ARHGAP44: variants seen among roughly 807,000 people sequenced by gnomAD.
The protein encoded by ARHGAP44 is Rho GTPase activating protein 44.
A neutral mutation model predicts 106.8 loss-of-function variants in ARHGAP44; 43 were observed. That is an observed-to-expected ratio of 0.40 (90% CI 0.32 to 0.52). ARHGAP44 has a LOEUF of 0.52. Among genes scored for constraint, ARHGAP44 ranks in the 20% least tolerant of loss-of-function variants. The probability of loss-of-function intolerance (pLI) is 0.48; values close to 1 mark genes in which losing one functional copy is unlikely to be tolerated. For synonymous variants in ARHGAP44, 439 were observed against 410.3 expected (o/e 1.07, Z -0.85); for missense variants, 866 against 1,050.5 (o/e 0.82, Z 2.43).
intron 1 of ARHGAP44, among the ~76,000 whole-genome samples, chr17:12,886,766 T>A (rs1220026389): frequency 6.6e-5 from 10 of 152,172 alleles, no homozygotes; most frequent in African/African-American, 2.2e-4. Flanking sequence ...CTCTTATATC[T>A]ACATGCTTTT....
intron 6 of ARHGAP44, among the ~76,000 whole-genome samples, chr17:12,928,334 AG>A (rs2038304464): frequency 1.3e-5 from 2 of 152,364 alleles, no homozygotes; most frequent in African/African-American, 4.8e-5. Context: ...CAGGATAGGC[AG>A]GGGACTTAAA....
At chr17:12,842,425 AAAAAAAAAG>A (rs1483458230) in intron 1 of ARHGAP44, among the ~76,000 whole-genome samples, 1 of 140,046 alleles carries the variant, frequency 7.1e-6, no homozygotes, top group African/African-American at 3.2e-5. Flanking sequence ...AAAAAAAAAA[AAAAAAAAAG>A]AAAGAAAAAA....
intron 1 of ARHGAP44, among the ~76,000 whole-genome samples, chr17:12,800,480 C>G (rs532215020): frequency 6.6e-6 from 1 of 152,238 alleles, no homozygotes; most frequent in South Asian, 2.1e-4. Context: ...GCAGTGGGCT[C>G]GGTTCCACAC....
intron 8 of ARHGAP44, 139 bp downstream of exon 8, chr17:12,941,263 C>A: frequency 1.4e-6 from 1 of 702,262 alleles, no homozygotes; most frequent in South Asian, 2.1e-5. Flanking sequence ...GAAATAAATC[C>A]TGCCATGCTC....
intron 1 of ARHGAP44, among the ~76,000 whole-genome samples, chr17:12,818,895 C>T (rs942364408): frequency 5.3e-5 from 8 of 152,076 alleles, no homozygotes; most frequent in East Asian, 1.9e-4. Flanking sequence ...ATTTCAGCAG[C>T]GTATTTTTGT....
intron 1 of ARHGAP44, among the ~76,000 whole-genome samples, chr17:12,863,467 A>G (rs1456705581): frequency 6.6e-6 from 1 of 152,238 alleles, no homozygotes; most frequent in Non-Finnish European, 1.5e-5. Flanking sequence ...AATATTTAGC[A>G]TGCCATCTTT....
intron 17 of ARHGAP44, chr17:12,973,705 GC>G: frequency 6.3e-6 from 3 of 475,780 alleles, no homozygotes; most frequent in South Asian, 2.9e-5. Flanking sequence ...GAGTGTCCCT[GC>G]CCCCCCAGTT....
intron 1 of ARHGAP44, among the ~76,000 whole-genome samples, chr17:12,814,613 C>T (rs186228848): frequency 7.6e-4 from 115 of 152,040 alleles, no homozygotes; most frequent in South Asian, 3.8e-3. Flanking sequence ...TAGAGGCCAC[C>T]GTGAAAGACA....
At chr17:12,974,415 C>A in intron 18 of ARHGAP44, 105 bp downstream of exon 18, 1 of 975,022 alleles carries the variant, frequency 1.0e-6, no homozygotes, top group Non-Finnish European at 1.4e-6. Flanking sequence ...CCCATGCCCC[C>A]GCCCCCATTT....
intron 12 of ARHGAP44, among the ~76,000 whole-genome samples, chr17:12,950,404 C>T (rs1445191686): frequency 2.6e-5 from 4 of 152,194 alleles, no homozygotes; most frequent in Admixed American, 2.6e-4. Context: ...GAGGCCGCAG[C>T]CCAAAGCCAG....
At chr17:12,873,605 C>T (rs922592552) in intron 1 of ARHGAP44, among the ~76,000 whole-genome samples, 14 of 152,258 alleles carry the variant, frequency 9.2e-5, no homozygotes, top group Middle Eastern at 3.4e-3. Flanking sequence ...ACCAGCTGGG[C>T]GCAAACCACC....
At chr17:12,845,248 G>A (rs886701607) in intron 1 of ARHGAP44, among the ~76,000 whole-genome samples, 2 of 152,018 alleles carry the variant, frequency 1.3e-5, no homozygotes, top group Non-Finnish European at 2.9e-5. Flanking sequence ...GGTGGCTCAC[G>A]TTTATAATCC....
chr17:12,840,095 CTTAA>C (rs1468048362), intron 1 of ARHGAP44, among the ~76,000 whole-genome samples: 1 of 152,014 alleles, frequency 6.6e-6, no homozygotes, highest in Non-Finnish European at 1.5e-5. Flanking sequence ...CACTTGATTT[CTTAA>C]TTAATTCTTT....
At chr17:12,817,484 C>T (rs933311727) in intron 1 of ARHGAP44, among the ~76,000 whole-genome samples, 13 of 151,288 alleles carry the variant, frequency 8.6e-5, no homozygotes, top group Admixed American at 3.3e-4. Flanking sequence ...AAAGGAGGAA[C>T]AAAATAAACC....
intron 16 of ARHGAP44, among the ~76,000 whole-genome samples, chr17:12,964,084 T>C (rs1386022175): frequency 6.6e-6 from 1 of 152,258 alleles, no homozygotes; most frequent in Non-Finnish European, 1.5e-5. Context: ...AATCACACTA[T>C]TGTTTTCTGT....
In ARHGAP44 at chr17:12,984,616, C is replaced by T; in HGVS notation, c.2025C>T (p.Ser675=). The part of the protein sequence containing the change: ...AMADQSAGQP[S]PVSLSPTPPS... The stretch of plus-strand genomic sequence containing the variant: ...CAGACCAGTCCGCTGGCCAGCCGTC[C>T]CCAGTCAGCCTGTCCCCCACCCCGC... Residue 675 remains serine (S), a synonymous_variant, in exon 20 of 21, where the codon TCC becomes TCT. Coordinates refer to ENST00000379672, the MANE Select transcript of ARHGAP44 (RefSeq NM_014859.6). 1 of 1,610,958 alleles carries T rather than the reference C, an allele frequency of 6.2e-7. No homozygotes were observed. Among genetic ancestry groups the T allele is most frequent in the Non-Finnish European group, 8.5e-7 (1 of 1,178,838 alleles).
Position 12,975,789 on chromosome 17 carries a change from C to G in ARHGAP44, c.1763+1479C>G, listed in dbSNP as rs1460609470. On this transcript the variant is annotated intron_variant, in intron 18 of 20. Coordinates refer to ENST00000379672, the MANE Select transcript of ARHGAP44 (RefSeq NM_014859.6). ...CTCCAGCCTGGGTGACAGCGTGACT[C>G]CGTCTCAAAAAAAAAAAAAAAAAAA... Among the ~76,000 whole-genome samples, 5 of 110,964 alleles carry G rather than the reference C, an allele frequency of 4.5e-5. No individual in the cohort carries two copies. The East Asian group carries it at 1.1e-3, about 25-fold the overall frequency. The allele number at this position is 110,964 out of a possible 152,430, so 72.8% of individuals were successfully genotyped here. A position where few individuals can be genotyped will look rare whatever the true frequency, so the allele number is the denominator to read the frequency against.
chr17:12,896,324 G>C, intron 2 of ARHGAP44, 83 bp from the exon 3 acceptor site: 1 of 1,134,746 alleles, frequency 8.8e-7, no homozygotes, highest in Non-Finnish European at 1.3e-6. Context: ...ATGGAAACAT[G>C]AGTTGTGATT....
chr17:12,790,798 CAGG>C (rs1458555490), intron 1 of ARHGAP44: 2 of 152,206 alleles, frequency 1.3e-5, no homozygotes. Flanking sequence ...TCTTTGAACA[CAGG>C]AGCGTTAGGT....
Sources: allele counts gnomAD v4.1 joint callset (sites outside exome capture counted in the v4.1 genomes callset), GRCh38; gene constraint gnomAD v4.1.1; transcripts MANE v1.5; gene names NCBI Gene and HGNC (gene_info 2026-07-23, HGNC 2026-07-21).